GALNT14: variants seen among roughly 807,000 people sequenced by gnomAD.
GALNT14 encodes polypeptide N-acetylgalactosaminyltransferase 14.
Under a neutral mutation model 77.5 loss-of-function variants are expected in GALNT14, and 60 were observed. The ratio of observed to expected loss-of-function variants is 0.77; its 90% CI spans 0.63 to 0.96. The LOEUF (loss-of-function observed/expected upper bound fraction) is 0.96, where lower values mean the gene tolerates loss of function less well. Among genes scored for constraint, GALNT14 ranks in the 40% least tolerant of loss-of-function variants. The pLI, the probability that GALNT14 is intolerant of heterozygous loss-of-function variation, is 0.00. For missense variants in GALNT14, 710 were observed against 731.0 expected (o/e 0.97, Z 0.33); for synonymous variants, 280 against 281.7 (o/e 0.99, Z 0.06).
At chr2:31,057,328 T>TA (rs1319776761) in intron 1 of GALNT14, among the ~76,000 whole-genome samples, 10 of 134,974 alleles carry the variant, frequency 7.4e-5, no homozygotes, top group African/African-American at 2.8e-4. Context: ...AAATTATATA[T>TA]TATATATACA....
intron 1 of GALNT14, among the ~76,000 whole-genome samples, chr2:31,086,262 C>T (rs1558559648): frequency 6.6e-6 from 1 of 152,196 alleles, no homozygotes; most frequent in Non-Finnish European, 1.5e-5. Context: ...CTTGCGGCTA[C>T]CCTCTAAGAA....
chr2:31,027,886 C>CTGTGTGTGTGTGTG (rs10562223), intron 1 of GALNT14, among the ~76,000 whole-genome samples: 8,543 of 141,744 alleles, frequency 0.06, 396 homozygotes, highest in African/African-American at 0.12. Flanking sequence ...CAGATGTATT[C>CTGTGTGTGTGTGTG]TGTGTGTGTG....
intron 6 of GALNT14, among the ~76,000 whole-genome samples, chr2:30,952,251 T>C (rs1667071620): frequency 6.6e-6 from 1 of 152,154 alleles, no homozygotes; most frequent in Non-Finnish European, 1.5e-5. Context: ...GTGGATGTCT[T>C]TGCATGATAG....
chr2:30,915,861 C>A lies in GALNT14; in HGVS notation c.1381-3519G>T, dbSNP rs1179636493. Among the ~76,000 whole-genome samples the A allele has an allele frequency of 3.1e-4, 47 of 152,190 alleles. 1 individual carries two copies. The highest frequency in any genetic ancestry group is 3.1e-3 in the Admixed American group (47 of 15,282). ...GGCTGAAAGGGCCAGTGCCCTTTTACAAAAGCTTATATGTAACAAAAGCCC... is the reference window on the plus strand; with the variant it reads ...GGCTGAAAGGGCCAGTGCCCTTTTAAAAAAGCTTATATGTAACAAAAGCCC... On this transcript the variant is annotated intron_variant, in intron 13 of 14. Coordinates refer to ENST00000349752, the MANE Select transcript of GALNT14 (RefSeq NM_024572.4).
At chr2:30,970,189 T>G (rs1428651112) in intron 2 of GALNT14, among the ~76,000 whole-genome samples, 1 of 151,572 alleles carries the variant, frequency 6.6e-6, no homozygotes, top group Non-Finnish European at 1.5e-5. Context: ...TGCTGGGGGG[T>G]TCTGTCCTGT....
At chr2:30,901,148 C>T in the GALNT14 span, among the ~76,000 whole-genome samples, 2,306 of 152,282 alleles carry the variant, frequency 0.015, 26 homozygotes, top group Non-Finnish European at 0.024. Context: ...AAAGGCAAAC[C>T]TTTCCTGAGG....
At chr2:31,020,584 T>C (rs1034163897) in intron 1 of GALNT14, among the ~76,000 whole-genome samples, 45 of 152,160 alleles carry the variant, frequency 3.0e-4, no homozygotes, top group Admixed American at 1.3e-4. Context: ...GAAGCTATTT[T>C]TAATCTTCGA....
In GALNT14 at chr2:30,912,322, G is replaced by T. The variant is rs762527681; in HGVS notation, c.1401C>A (p.Thr467=). The T allele has an allele frequency of 1.2e-6, 2 of 1,614,114 alleles. No individual in the cohort carries two copies. The highest frequency in any genetic ancestry group is 1.7e-6 in the Non-Finnish European group (2 of 1,180,004). Residue 467 remains threonine (T), a synonymous_variant, in exon 14 of 15, where the codon ACC becomes ACA. Transcript: ENST00000349752. ...AKSQVWAFTY[T]QQILQEELCL... ...ACAGCTCCTCCTGGAGGATCTGCTG[G>T]GTGTATGTGAAGGCCCATACCTGGG...
intron 2 of GALNT14, among the ~76,000 whole-genome samples, chr2:30,984,502 T>A (rs1219425241): frequency 6.6e-6 from 1 of 152,156 alleles, no homozygotes; most frequent in South Asian, 2.1e-4. Flanking sequence ...CTGAATAAAC[T>A]CTAATCTCCT....
At chr2:31,059,490 TG>T (rs1194027332) in intron 1 of GALNT14, among the ~76,000 whole-genome samples, 1 of 151,978 alleles carries the variant, frequency 6.6e-6, no homozygotes, top group African/African-American at 2.4e-5. Flanking sequence ...TACGAGGAGG[TG>T]GGGCCTTAGG....
chr2:30,904,827 G>C, the GALNT14 span, among the ~76,000 whole-genome samples: 1 of 152,188 alleles, frequency 6.6e-6, no homozygotes. Context: ...CAGCTTTGAA[G>C]AGAGCAGTGG....
chr2:30,903,690 G>T, the GALNT14 span, among the ~76,000 whole-genome samples: 1 of 152,178 alleles, frequency 6.6e-6, no homozygotes, highest in Non-Finnish European at 1.5e-5. Flanking sequence ...TGAAGCAGAG[G>T]ATCTCACTAA....
intron 1 of GALNT14, among the ~76,000 whole-genome samples, chr2:31,008,131 C>G (rs72855273): frequency 0.027 from 4,185 of 152,240 alleles, 207 homozygotes; most frequent in African/African-American, 0.096. Context: ...TGTCACTCAG[C>G]TGGACTTCAG....
chr2:31,113,299 C>T (rs1677931945), intron 1 of GALNT14, among the ~76,000 whole-genome samples: 1 of 152,064 alleles, frequency 6.6e-6, no homozygotes, highest in African/African-American at 2.4e-5. Flanking sequence ...CTAAGCGAGA[C>T]CTCAGGATCT....
intron 1 of GALNT14, among the ~76,000 whole-genome samples, chr2:31,014,410 G>A (rs1423621002): frequency 6.6e-6 from 1 of 152,074 alleles, no homozygotes; most frequent in African/African-American, 2.4e-5. Context: ...AGAGGCATTG[G>A]GCCCCCAGTT....
intron 9 of GALNT14, among the ~76,000 whole-genome samples, chr2:30,934,814 G>A (rs1665954870): frequency 6.6e-6 from 1 of 152,132 alleles, no homozygotes; most frequent in Admixed American, 6.5e-5. Flanking sequence ...TTCACTCTAT[G>A]CTGAGGACTC....
intron 1 of GALNT14, among the ~76,000 whole-genome samples, chr2:31,099,308 CATTTTTATTGACCCTTTGGAACTCTTT>C (rs142252853): frequency 0.038 from 5,719 of 152,068 alleles, 330 homozygotes; most frequent in African/African-American, 0.13. Flanking sequence ...GATTGAAATT[CATTTTTATTGACCCTTTGGAACTCTTT>C]ATTTAAGTTG....
At position 30,997,850 on chromosome 2, in the gene GALNT14, T is replaced by C. The variant is rs149765957; in HGVS notation, c.130-4843A>G. 1.2e-4 allele frequency among the ~76,000 whole-genome samples: 19 copies of C among 152,362 alleles called. 2 individuals are homozygous for C. In the East Asian group the frequency reaches 3.7e-3, roughly 29 times the overall value. On this transcript the variant is annotated intron_variant, in intron 1 of 14. Transcript: ENST00000349752. ...TGAGAACATTTAAAAGTCTCTGTTC[T>C]GGCTATTTTGAAATATGCAATATAT... is the stretch of plus-strand genomic sequence containing the variant.
At chr2:31,137,634 C>G (rs1271682049) in intron 1 of GALNT14, among the ~76,000 whole-genome samples, 2 of 152,082 alleles carry the variant, frequency 1.3e-5, no homozygotes, top group African/African-American at 4.8e-5. Context: ...GCCCGGAGAC[C>G]GCCAGCCCCT....
Sources: gnomAD v4.1 joint callset for allele counts (sites outside exome capture counted in the v4.1 genomes callset) on GRCh38, gnomAD v4.1.1 for gene constraint, MANE v1.5 for transcripts, NCBI Gene and HGNC (gene_info 2026-07-23, HGNC 2026-07-21) for gene names.